Variants in GOLGA1 observed in about 807,000 individuals in gnomAD.
The protein encoded by GOLGA1 is golgin subfamily A member 1.
GOLGA1 carries 63 observed loss-of-function variants against 119.7 expected under a neutral mutation model. That is an observed-to-expected ratio of 0.53 (90% CI 0.43 to 0.65). The LOEUF is 0.65. Among genes scored for constraint, GOLGA1 ranks in the 30% least tolerant of loss-of-function variants. The probability of loss-of-function intolerance (pLI) is 0.00; values close to 1 mark genes in which losing one functional copy is unlikely to be tolerated. For missense variants in GOLGA1, 798 were observed against 912.8 expected, an observed-to-expected ratio of 0.87 and a Z score of 1.62; for synonymous variants, 318 against 333.4, an observed-to-expected ratio of 0.95 and a Z score of 0.50.
chr9:124,888,971 T>A lies in GOLGA1; in HGVS notation c.1761+172A>T, dbSNP rs595590. ...GCCTCGGCCTCCCAAAGTGCTGGGA[T>A]TACAGGCGTGAGCCACTGCGCCTGG... is the stretch of plus-strand genomic sequence containing the variant. On this transcript the variant is annotated intron_variant, in intron 18 of 22. Coordinates refer to ENST00000373555, the MANE Select transcript of GOLGA1 (RefSeq NM_002077.4). The surrounding 1 kb of genome is among the most constrained non-coding windows in gnomAD (Gnocchi z 4.4). 0.34 allele frequency among the ~76,000 whole-genome samples: 51,263 copies of A among 152,072 alleles called. 9,292 individuals carry two copies. Among genetic ancestry groups the A allele is most frequent in the Middle Eastern group, 0.46 (134 of 294 alleles).
At position 124,888,439 on chromosome 9, in the gene GOLGA1, G is replaced by A; in HGVS notation, c.1762-43C>T. On this transcript the variant is annotated intron_variant, in intron 18 of 22. Transcript: ENST00000373555. This position sits in a 1 kb window ranked among gnomAD's most constrained non-coding sequence, Gnocchi z 4.4. ...CAAATTGAGAGCCAGGACAGGTCAGGTGAAGCTGAGCCACAGGTACACAGG... is the reference window on the plus strand; with the variant it reads ...CAAATTGAGAGCCAGGACAGGTCAGATGAAGCTGAGCCACAGGTACACAGG... 6.3e-7 allele frequency: 1 copy of A among 1,596,678 alleles called. No homozygotes were observed. Among genetic ancestry groups the A allele is most frequent in the Admixed American group, 1.7e-5 (1 of 59,926 alleles).
chr9:124,910,267 G>A (rs1350897448), intron 11 of GOLGA1, among the ~76,000 whole-genome samples: 5 of 151,458 alleles, frequency 3.3e-5, no homozygotes, highest in Admixed American at 1.3e-4. Flanking sequence ...GTTTTGCCAT[G>A]TTGGCCAGGC....
At chr9:124,883,541 G>C (rs1384900794) in intron 19 of GOLGA1, among the ~76,000 whole-genome samples, 1 of 152,128 alleles carries the variant, frequency 6.6e-6, no homozygotes, top group Non-Finnish European at 1.5e-5. Flanking sequence ...TCTGCCTTCT[G>C]GGTTCAAGTG....
chr9:124,904,927 G>A (rs10124276), intron 12 of GOLGA1, among the ~76,000 whole-genome samples: 1 of 144,038 alleles, frequency 6.9e-6, no homozygotes, highest in South Asian at 2.2e-4. Flanking sequence ...CCAGGCTACA[G>A]AGCCAGACTC....
At chr9:124,941,827 T>C (rs979336391), upstream of GOLGA1, among the ~76,000 whole-genome samples, 3 of 152,128 alleles carry the variant, frequency 2.0e-5, no homozygotes, top group Non-Finnish European at 4.4e-5. Flanking sequence ...GCTTCTGTGG[T>C]CCCAGCTACT....
intron 10 of GOLGA1, among the ~76,000 whole-genome samples, chr9:124,919,960 T>C (rs1213507247): frequency 6.6e-6 from 1 of 151,440 alleles, no homozygotes; most frequent in Non-Finnish European, 1.5e-5. Flanking sequence ...ATTTATTTAT[T>C]TTATTATTTT....
At position 124,903,362 on chromosome 9, in the gene GOLGA1, C is replaced by T. The variant is rs1247887100; in HGVS notation, c.1066-2815G>A. Among the ~76,000 whole-genome samples, 5 of 152,060 alleles carry T rather than the reference C, an allele frequency of 3.3e-5. No homozygotes were observed. In the East Asian group the frequency reaches 9.6e-4, roughly 29 times the overall value. On this transcript the variant is annotated intron_variant, in intron 12 of 22. Coordinates refer to ENST00000373555, the MANE Select transcript of GOLGA1 (RefSeq NM_002077.4). ...GCGTGGTGGTCTATATGTGTAGTCC[C>T]AGCTACTCAGAAGGCTTAGGCACAA...
rs774216849 is a variant in GOLGA1 at position 124,881,163 on chromosome 9, A to G, written c.2223+8T>C. The G allele has an allele frequency of 2.8e-6, 4 of 1,426,712 alleles. No individual in the cohort carries two copies. The Admixed American group carries it at 6.7e-5, about 24-fold the overall frequency. 88.4% of individuals were successfully genotyped at this position (1,426,712 alleles called of 1,614,324 possible). Reference sequence around the variant, plus strand: ...TGGAAGCTGGAACAGTAGACCAGAGAACCCTACCTTATATTCCAGAGTTTC... The same window carrying G: ...TGGAAGCTGGAACAGTAGACCAGAGGACCCTACCTTATATTCCAGAGTTTC... On this transcript the variant is annotated splice_region_variant and intron_variant, in intron 22 of 22. Transcript: ENST00000373555. This position sits in a 1 kb window ranked among gnomAD's most constrained non-coding sequence, Gnocchi z 4.9.
In GOLGA1 at chr9:124,938,586, T is replaced by G; in HGVS notation, c.126A>C (p.Gly42=). ...AAGTAAAGGTACTTACAAAGTCATC[T>G]CCTGAGTCAGCTCCCATTGAGGCAA... ...ESVASMGADS[G]DDFASDGSSS... The change falls in exon 3 of 23, where the codon GGA becomes GGC. Residue 42 remains glycine (G), a synonymous_variant. Transcript: ENST00000373555. 2 of 1,612,570 alleles carry G rather than the reference T, an allele frequency of 1.2e-6. No homozygotes were observed. The highest frequency in any genetic ancestry group is 8.5e-7 in the Non-Finnish European group (1 of 1,178,990).
At chr9:124,925,802 A>T (rs2131504618) in intron 7 of GOLGA1, among the ~76,000 whole-genome samples, 1 of 152,332 alleles carries the variant, frequency 6.6e-6, no homozygotes, top group East Asian at 1.9e-4. Context: ...TGGAAAAAAA[A>T]TAGTTGACAC....
In GOLGA1 at chr9:124,890,385, C is replaced by T. The variant is rs746738929; in HGVS notation, c.1497+4G>A. 2 of 1,597,382 alleles carry T rather than the reference C, an allele frequency of 1.3e-6. No homozygotes were observed. The highest frequency in any genetic ancestry group is 2.2e-5 in the South Asian group (2 of 90,714). On this transcript the variant is annotated splice_donor_region_variant and intron_variant, in intron 16 of 22. Transcript: ENST00000373555. ...ATCGCCCCTCAGCGTGAAACAGGGC[C>T]CACCTGTTGCTGGAACTCTTCCCTT...
In GOLGA1 at chr9:124,889,302, A is replaced by C. The variant is rs768663477; in HGVS notation, c.1602T>G (p.Gly534=). Residue 534 remains glycine, a splice_region_variant and synonymous_variant, in exon 18 of 23, where the codon GGT becomes GGG. Coordinates refer to ENST00000373555, the MANE Select transcript of GOLGA1 (RefSeq NM_002077.4). The part of the protein sequence containing the change: ...KEQEILQLER[G]HNSALLQIHQ... ...GTATCTGCAGCAGGGCAGAGTTGTG[A>C]CCTAGGTCGGGGAGGAGGGGAGGGG... 1.2e-6 allele frequency: 2 copies of C among 1,612,926 alleles called. No homozygotes were observed.
intron 10 of GOLGA1, among the ~76,000 whole-genome samples, chr9:124,915,660 G>A (rs537695201): frequency 2.0e-5 from 3 of 152,058 alleles, no homozygotes; most frequent in Admixed American, 6.6e-5. Flanking sequence ...AACCAGCCCA[G>A]GTAACACAGG....
chr9:124,883,006 G>T (rs2151633), intron 19 of GOLGA1, among the ~76,000 whole-genome samples: 149,536 of 152,342 alleles, frequency 0.98, 73,449 homozygotes, highest in East Asian at 1. Context: ...TGAAATACAT[G>T]AATAATCTGC....
intron 4 of GOLGA1, 136 bp from the exon 5 acceptor site, chr9:124,929,426 GAC>G (rs1210438635): frequency 1.5e-6 from 1 of 669,786 alleles, no homozygotes; most frequent in African/African-American, 1.8e-5. Context: ...AAGCTAGACA[GAC>G]AGCCTCCCAT....
chr9:124,947,595 A>T (rs1831166960), intron 1 of GOLGA1: 1 of 152,242 alleles, frequency 6.6e-6, no homozygotes, highest in Non-Finnish European at 1.5e-5. Context: ...TGGGTACATA[A>T]TATACACATA....
chr9:124,926,224 T>C (rs761315671), intron 7 of GOLGA1, among the ~76,000 whole-genome samples: 5 of 152,144 alleles, frequency 3.3e-5, no homozygotes, highest in Admixed American at 1.3e-4. Context: ...GAAGAGGTTA[T>C]AGGAAACCCA....
rs112019617 is a variant in GOLGA1 at position 124,920,751 on chromosome 9, T to C, written c.843+378A>G. ...GAGTTTGAGACCAGCCTGGCCAACA[T>C]GGTAAAACCCTGTCTCTACTAAAAA... On this transcript the variant is annotated intron_variant, in intron 10 of 22. Transcript: ENST00000373555. 4.7e-4 allele frequency among the ~76,000 whole-genome samples: 71 copies of C among 150,128 alleles called. 1 individual carries two copies. Among genetic ancestry groups the C allele is most frequent in the South Asian group, 2.3e-3 (11 of 4,778 alleles).
intron 4 of GOLGA1, among the ~76,000 whole-genome samples, chr9:124,929,838 A>G (rs544804667): frequency 6.6e-6 from 1 of 152,286 alleles, no homozygotes; most frequent in African/African-American, 2.4e-5. Context: ...TTAAATGTGA[A>G]TGTCAGAATT....
Sources: allele counts gnomAD v4.1 joint callset (sites outside exome capture counted in the v4.1 genomes callset), GRCh38; gene constraint gnomAD v4.1.1; non-coding constraint Gnocchi (gnomAD v3.1); transcripts MANE v1.5; gene names NCBI Gene and HGNC (gene_info 2026-07-23, HGNC 2026-07-21).